Variants in CDH12 observed in about 807,000 individuals in gnomAD.
The protein encoded by CDH12 is cadherin 12.
CDH12 carries 41 observed loss-of-function variants against 74.1 expected under a neutral mutation model. The observed-to-expected ratio is 0.55, with a 90% CI of 0.43 to 0.72. The LOEUF is 0.72. Ranked by LOEUF, CDH12 falls within the 30% of genes least tolerant of loss-of-function variation. CDH12 has a pLI of 0.00. For missense variants in CDH12, 945 were observed against 977.2 expected (o/e 0.97, Z 0.44); for synonymous variants, 399 against 355.0 (o/e 1.12, Z -1.39).
At chr5:22,274,776 A>T (rs1049827863) in intron 3 of CDH12, among the ~76,000 whole-genome samples, 1 of 152,118 alleles carries the variant, frequency 6.6e-6, no homozygotes, top group Non-Finnish European at 1.5e-5. Context: ...TTACTGTCTT[A>T]AAATGAATTT....
chr5:22,332,219 A>G (rs538437575), intron 3 of CDH12, among the ~76,000 whole-genome samples: 21 of 152,256 alleles, frequency 1.4e-4, no homozygotes, highest in African/African-American at 5.1e-4. Flanking sequence ...TTTAATAATC[A>G]ATTCCCAAAG....
intron 1 of CDH12, among the ~76,000 whole-genome samples, chr5:22,825,761 A>G (rs769844901): frequency 1.3e-5 from 2 of 152,144 alleles, no homozygotes; most frequent in African/African-American, 2.4e-5. Context: ...AGACTTGTGT[A>G]GTGATATGAC....
At chr5:22,759,312 A>T (rs1746088262) in intron 1 of CDH12, among the ~76,000 whole-genome samples, 1 of 152,216 alleles carries the variant, frequency 6.6e-6, no homozygotes, top group Non-Finnish European at 1.5e-5. Flanking sequence ...TAGTATACAC[A>T]TATACAGCTC....
chr5:22,441,072 C>A (rs1179965759), intron 2 of CDH12, among the ~76,000 whole-genome samples: 1 of 152,098 alleles, frequency 6.6e-6, no homozygotes, highest in Non-Finnish European at 1.5e-5. Context: ...AGAAAGAGTA[C>A]AACTTTCTAT....
At chr5:22,484,972 A>T (rs1746529290) in intron 2 of CDH12, among the ~76,000 whole-genome samples, 1 of 152,198 alleles carries the variant, frequency 6.6e-6, no homozygotes, top group South Asian at 2.1e-4. Context: ...ATTTGTAAAG[A>T]TCTAAAAAAT....
At chr5:21,876,757 C>T (rs781445147) in intron 6 of CDH12, among the ~76,000 whole-genome samples, 5 of 152,344 alleles carry the variant, frequency 3.3e-5, no homozygotes, top group Non-Finnish European at 7.4e-5. Context: ...ATCTCCAATG[C>T]TCTTCACAAA....
At chr5:22,597,730 A>C (rs1233169118) in intron 1 of CDH12, among the ~76,000 whole-genome samples, 2 of 152,208 alleles carry the variant, frequency 1.3e-5, no homozygotes, top group East Asian at 1.9e-4. Flanking sequence ...AAGCAAATAC[A>C]AGGCTAAATG....
chr5:22,754,749 G>A (rs1328076229), intron 1 of CDH12, among the ~76,000 whole-genome samples: 1 of 152,102 alleles, frequency 6.6e-6, no homozygotes, highest in Non-Finnish European at 1.5e-5. Context: ...TAATCCTTAT[G>A]TGATTTTTTG....
chr5:22,587,900 T>G (rs373062424), intron 1 of CDH12, among the ~76,000 whole-genome samples: 1 of 148,600 alleles, frequency 6.7e-6, no homozygotes, highest in South Asian at 2.1e-4. Flanking sequence ...CACATATATA[T>G]TGTGTGTGAT....
intron 6 of CDH12, among the ~76,000 whole-genome samples, chr5:21,929,091 G>C (rs879155185): frequency 6.6e-6 from 1 of 151,822 alleles, no homozygotes; most frequent in Admixed American, 6.6e-5. Flanking sequence ...AAGGGGAAGT[G>C]GGAGGCCAAA....
intron 4 of CDH12, among the ~76,000 whole-genome samples, chr5:22,096,737 A>T (rs1472101280): frequency 6.6e-6 from 1 of 152,034 alleles, no homozygotes; most frequent in African/African-American, 2.4e-5. Context: ...CTTTTTCATC[A>T]AATATAAAAA....
chr5:21,991,016 T>C (rs1757721792), intron 5 of CDH12, among the ~76,000 whole-genome samples: 1 of 151,084 alleles, frequency 6.6e-6, no homozygotes, highest in Admixed American at 6.6e-5. Flanking sequence ...GAATTAGCAA[T>C]AGATATAAAC....
intron 5 of CDH12, among the ~76,000 whole-genome samples, chr5:21,975,745 A>G (rs186486214): frequency 6.6e-6 from 1 of 152,258 alleles, no homozygotes; most frequent in African/African-American, 2.4e-5. Context: ...GATCAGAACA[A>G]AAGTACAACC....
chr5:22,200,204 A>G (rs1444602963), intron 4 of CDH12, among the ~76,000 whole-genome samples: 1 of 152,174 alleles, frequency 6.6e-6, no homozygotes, highest in Non-Finnish European at 1.5e-5. Flanking sequence ...ATCAAAGTGT[A>G]TCTCTTCAGG....
intron 1 of CDH12, among the ~76,000 whole-genome samples, chr5:22,803,820 A>G (rs909534911): frequency 4.6e-5 from 7 of 152,112 alleles, no homozygotes; most frequent in Non-Finnish European, 1.0e-4. Context: ...TGTGTTTTGT[A>G]TGGTATCGTG....
chr5:22,466,367 C>T (rs921603534), intron 2 of CDH12, among the ~76,000 whole-genome samples: 6 of 152,138 alleles, frequency 3.9e-5, no homozygotes, highest in African/African-American at 1.2e-4. Context: ...GGCCAGTGAT[C>T]GCCCCAAAGC....
intron 3 of CDH12, among the ~76,000 whole-genome samples, chr5:22,292,337 T>G (rs2150413968): frequency 1.6e-5 from 1 of 62,962 alleles, no homozygotes; most frequent in East Asian, 5.1e-4. Flanking sequence ...GGTTTTTGGT[T>G]TTTGTTTTTT....
At chr5:22,304,525 T>C (rs1056179720) in intron 3 of CDH12, among the ~76,000 whole-genome samples, 22 of 152,146 alleles carry the variant, frequency 1.4e-4, no homozygotes, top group African/African-American at 5.3e-4. Context: ...ACGAGCTAAA[T>C]TGGAAGCAGC....
chr5:21,952,750 AT>A lies in CDH12; in HGVS notation c.526+22340del, dbSNP rs543406412. 8.2e-3 allele frequency among the ~76,000 whole-genome samples: 1,205 copies of A among 146,192 alleles called. 26 individuals are homozygous for A. Among genetic ancestry groups the A allele is most frequent in the African/African-American group, 0.028 (1,094 of 39,084 alleles). ...TATTTGAGTTGAGGACTAAATTCTG[AT>A]TTTTTTTTTTCATCTTGCCCAAATT... On this transcript the variant is annotated intron_variant, in intron 6 of 14. Transcript: ENST00000382254.
Sources: allele counts gnomAD v4.1 joint callset (sites outside exome capture counted in the v4.1 genomes callset), GRCh38; gene constraint gnomAD v4.1.1; transcripts MANE v1.5; gene names NCBI Gene and HGNC (gene_info 2026-07-23, HGNC 2026-07-21).